Variants in PLD1 observed in about 807,000 individuals in gnomAD.
PLD1 encodes the protein choline phosphatase 1.
A neutral mutation model predicts 137.1 loss-of-function variants in PLD1; 112 were observed. The ratio of observed to expected loss-of-function variants is 0.82; its 90% CI spans 0.70 to 0.96. The LOEUF (loss-of-function observed/expected upper bound fraction) is 0.96, where lower values mean the gene tolerates loss of function less well. Ranked by LOEUF, PLD1 falls within the 40% of genes least tolerant of loss-of-function variation. The probability of loss-of-function intolerance (pLI) is 0.00; values close to 1 mark genes in which losing one functional copy is unlikely to be tolerated. For synonymous variants in PLD1, 431 were observed against 454.7 expected (o/e 0.95, Z 0.66); for missense variants, 1,321 against 1,342.0 (o/e 0.98, Z 0.24).
Position 171,674,605 on chromosome 3 carries a change from T to C in PLD1, c.2124A>G (p.Lys708=), listed in dbSNP as rs1713141795. ...IQRWNFTKIM[K]SKYRSLSYPF... ...GATAAGAAAGGGACCGATATTTTGATTTCATAATCTAAAATAAAGAAAAAG... is the reference window on the plus strand; with the variant it reads ...GATAAGAAAGGGACCGATATTTTGACTTCATAATCTAAAATAAAGAAAAAG... Residue 708 remains lysine, a synonymous_variant, in exon 19 of 27, where the codon AAA becomes AAG. Coordinates refer to ENST00000351298, the MANE Select transcript of PLD1 (RefSeq NM_002662.5). 8 of 1,516,088 alleles carry C rather than the reference T, an allele frequency of 5.3e-6. No homozygotes were observed. Among genetic ancestry groups the C allele is most frequent in the Middle Eastern group, 3.4e-4 (2 of 5,886 alleles). 93.9% of individuals were successfully genotyped at this position (1,516,088 alleles called of 1,614,324 possible).
At chr3:171,656,713 T>TG in intron 21 of PLD1, among the ~76,000 whole-genome samples, 1 of 152,320 alleles carries the variant, frequency 6.6e-6, no homozygotes, top group Middle Eastern at 3.4e-3. Flanking sequence ...CTGTACACAC[T>TG]GCAGGATATG....
intron 1 of PLD1, among the ~76,000 whole-genome samples, chr3:171,776,746 T>C (rs1419228956): frequency 1.3e-5 from 2 of 152,242 alleles, no homozygotes; most frequent in African/African-American, 2.4e-5. Context: ...TTTGCTTCTT[T>C]TACTTTTACA....
At chr3:171,622,839 A>G (rs929087860) in intron 23 of PLD1, among the ~76,000 whole-genome samples, 4 of 151,302 alleles carry the variant, frequency 2.6e-5, no homozygotes, top group African/African-American at 9.7e-5. Flanking sequence ...AATATTAAAT[A>G]TAATAACAGG....
At chr3:171,688,440 A>ATCTGTTT (rs1178314259) in intron 14 of PLD1, among the ~76,000 whole-genome samples, 1 of 152,186 alleles carries the variant, frequency 6.6e-6, no homozygotes, top group African/African-American at 2.4e-5. Context: ...ATTCCACTGA[A>ATCTGTTT]TCTGTTTTCT....
intron 23 of PLD1, among the ~76,000 whole-genome samples, chr3:171,623,331 T>TTA (rs1560153323): frequency 6.6e-6 from 1 of 150,402 alleles, no homozygotes; most frequent in African/African-American, 2.5e-5. Flanking sequence ...TTTTTTTTTT[T>TTA]TGAGATGGAG....
intron 20 of PLD1, among the ~76,000 whole-genome samples, chr3:171,661,080 T>C (rs1737629314): frequency 6.6e-6 from 1 of 152,208 alleles, no homozygotes; most frequent in Non-Finnish European, 1.5e-5. Context: ...TTTCCACTAA[T>C]GTCCTATATC....
intron 1 of PLD1, among the ~76,000 whole-genome samples, chr3:171,790,986 T>A (rs970093682): frequency 7.2e-5 from 11 of 152,248 alleles, no homozygotes; most frequent in African/African-American, 2.4e-4. Flanking sequence ...ATAGCTGTAT[T>A]TAATTTCACT....
At chr3:171,699,939 T>C (rs1408149840) in intron 11 of PLD1, 113 bp from the exon 12 acceptor site, 1 of 760,380 alleles carries the variant, frequency 1.3e-6, no homozygotes, top group Non-Finnish European at 2.3e-6. Flanking sequence ...TCATCCTCCA[T>C]TGTGATGGGT....
chr3:171,692,264 C>A (rs1447142891), intron 13 of PLD1, 68 bp downstream of exon 13: 6 of 783,832 alleles, frequency 7.7e-6, no homozygotes, highest in Non-Finnish European at 1.3e-5. Context: ...CTGCCCAGAA[C>A]AAAACATACC....
intron 23 of PLD1, among the ~76,000 whole-genome samples, chr3:171,637,605 A>ATAG (rs1452507997): frequency 6.6e-6 from 1 of 152,196 alleles, no homozygotes; most frequent in Admixed American, 6.5e-5. Flanking sequence ...GTTGGGAAGT[A>ATAG]TAGTAATACA....
At chr3:171,804,152 A>G (rs758715506) in intron 1 of PLD1, among the ~76,000 whole-genome samples, 22 of 152,166 alleles carry the variant, frequency 1.4e-4, no homozygotes, top group Non-Finnish European at 2.8e-4. Flanking sequence ...ACTGCCCTAC[A>G]CATCTGGAAA....
chr3:171,794,208 C>T (rs1343120668), intron 1 of PLD1, among the ~76,000 whole-genome samples: 4 of 151,644 alleles, frequency 2.6e-5, no homozygotes, highest in African/African-American at 9.7e-5. Flanking sequence ...AAAGAGAGAT[C>T]ACATTCACAT....
chr3:171,620,953 G>A (rs1165555279), intron 23 of PLD1, among the ~76,000 whole-genome samples: 1 of 151,812 alleles, frequency 6.6e-6, no homozygotes, highest in East Asian at 1.9e-4. Flanking sequence ...CTTCTATCCT[G>A]CTTGACACTT....
intron 20 of PLD1, 147 bp downstream of exon 20, chr3:171,661,913 G>A (rs1329449938): frequency 2.6e-5 from 14 of 541,478 alleles, no homozygotes; most frequent in Non-Finnish European, 4.3e-5. Flanking sequence ...AAATTCAGGT[G>A]ATATGAACCA....
At chr3:171,694,044 A>G (rs1398163012) in intron 12 of PLD1, among the ~76,000 whole-genome samples, 1 of 152,178 alleles carries the variant, frequency 6.6e-6, no homozygotes, top group Non-Finnish European at 1.5e-5. Context: ...TGTTCTGCCA[A>G]TACTAAAAAG....
intron 1 of PLD1, among the ~76,000 whole-genome samples, chr3:171,753,251 AAC>A (rs1720785291): frequency 6.6e-6 from 1 of 152,210 alleles, no homozygotes; most frequent in African/African-American, 2.4e-5. Context: ...AGTACTAAGG[AAC>A]AGAGATATTC....
At chr3:171,718,057 G>A (rs1479917482) in intron 8 of PLD1, among the ~76,000 whole-genome samples, 1 of 152,118 alleles carries the variant, frequency 6.6e-6, no homozygotes, top group East Asian at 1.9e-4. Context: ...GAACCATATA[G>A]AGAAGATTCA....
At position 171,645,265 on chromosome 3, in the gene PLD1, C is replaced by A. The variant is rs577184601; in HGVS notation, c.2430-242G>T. 1.6e-4 allele frequency among the ~76,000 whole-genome samples: 24 copies of A among 152,192 alleles called. No homozygotes were observed. The South Asian group carries it at 4.6e-3, about 29-fold the overall frequency. On this transcript the variant is annotated intron_variant, in intron 21 of 26. Coordinates refer to ENST00000351298, the MANE Select transcript of PLD1 (RefSeq NM_002662.5). ...CTTGGCAGTAAAGTAGAAATTGTAC[C>A]CATTGTCTCTCTACAGCATAATCGC...
intron 1 of PLD1, among the ~76,000 whole-genome samples, chr3:171,803,428 C>T (rs888882346): frequency 6.6e-6 from 1 of 152,172 alleles, no homozygotes; most frequent in South Asian, 2.1e-4. Context: ...TGCTTAGCAA[C>T]CAGGTCCGGG....
Sources: gnomAD v4.1 joint callset for allele counts (sites outside exome capture counted in the v4.1 genomes callset) on GRCh38, gnomAD v4.1.1 for gene constraint, MANE v1.5 for transcripts, NCBI Gene and HGNC (gene_info 2026-07-23, HGNC 2026-07-21) for gene names.